The following PCBP3 variants were observed in gnomAD, a reference collection of about 807,000 sequenced individuals.
The protein encoded by PCBP3 is poly(rC) binding protein 3.
In PCBP3, 25 loss-of-function variants were observed where a neutral mutation model predicts 52.7. The observed-to-expected ratio is 0.47, with a 90% CI of 0.35 to 0.66. The LOEUF is 0.66. PCBP3 is among the 30% of genes least tolerant of loss of function. The pLI, the probability that PCBP3 is intolerant of heterozygous loss-of-function variation, is 0.01. For missense variants in PCBP3, 391 were observed against 490.3 expected (o/e 0.80, Z 1.91); for synonymous variants, 162 against 183.0 (o/e 0.89, Z 0.93).
At chr21:45,644,400 C>T (rs956511169) in intron 1 of PCBP3, among the ~76,000 whole-genome samples, 2 of 151,578 alleles carry the variant, frequency 1.3e-5, no homozygotes, top group African/African-American at 4.8e-5. Flanking sequence ...GCGCGCAGGT[C>T]TCTCTTGTTG....
At chr21:45,709,917 AGGT>A (rs1271470920) in intron 2 of PCBP3, among the ~76,000 whole-genome samples, 1 of 152,172 alleles carries the variant, frequency 6.6e-6, no homozygotes, top group African/African-American at 2.4e-5. Context: ...AGGACTGGGC[AGGT>A]ACTTTGTAGA....
At chr21:45,742,514 C>G (rs2086529026) in intron 3 of PCBP3, among the ~76,000 whole-genome samples, 1 of 152,174 alleles carries the variant, frequency 6.6e-6, no homozygotes, top group Non-Finnish European at 1.5e-5. Context: ...GAGTCGTGCA[C>G]TTTTTCATCT....
At chr21:45,662,176 C>T (rs538021914) in intron 1 of PCBP3, among the ~76,000 whole-genome samples, 15 of 151,006 alleles carry the variant, frequency 9.9e-5, no homozygotes, top group African/African-American at 2.2e-4. Flanking sequence ...TTGTTGATCT[C>T]GGTTCACTGC....
chr21:45,806,820 G>A (rs2092519974), intron 4 of PCBP3, among the ~76,000 whole-genome samples: 1 of 152,062 alleles, frequency 6.6e-6, no homozygotes, highest in African/African-American at 2.4e-5. Context: ...GAGCACTGAG[G>A]CACTGGGCTC....
chr21:45,757,904 T>C (rs1197692643), intron 4 of PCBP3, among the ~76,000 whole-genome samples: 1 of 138,482 alleles, frequency 7.2e-6, no homozygotes, highest in Non-Finnish European at 1.6e-5. Flanking sequence ...TTTTTTTTTT[T>C]GAGACAGAGT....
chr21:45,883,749 T>C (rs2095455318), intron 5 of PCBP3, among the ~76,000 whole-genome samples: 1 of 152,368 alleles, frequency 6.6e-6, no homozygotes, highest in East Asian at 1.9e-4. Flanking sequence ...CCCATTAGTT[T>C]ATCTTCAGTT....
At chr21:45,889,157 C>T (rs973945485) in intron 5 of PCBP3, among the ~76,000 whole-genome samples, 2 of 152,102 alleles carry the variant, frequency 1.3e-5, no homozygotes, top group South Asian at 2.1e-4. Context: ...AGACAAAGAG[C>T]GATGTGTGTG....
At chr21:45,793,338 C>G (rs907878704) in intron 4 of PCBP3, among the ~76,000 whole-genome samples, 5 of 152,060 alleles carry the variant, frequency 3.3e-5, no homozygotes, top group African/African-American at 1.2e-4. Context: ...CGTCAAAAAC[C>G]GAGAGCTATT....
Position 45,917,570 on chromosome 21 carries a change from GTC to G in PCBP3, c.676-4_676-3del, listed in dbSNP as rs548673780. The stretch of plus-strand genomic sequence containing the variant: ...TGCAGCCAGGTTGCAGTCTGACGGG[GTC>G]TCTCTCTCTCTCTAGGCCTACACAA... On this transcript the variant is annotated splice_polypyrimidine_tract_variant and intron_variant, in intron 12 of 17. Transcript: ENST00000681687. This position sits in a 1 kb window ranked among gnomAD's most constrained non-coding sequence, Gnocchi z 5.3. 5.3e-3 allele frequency: 7,362 copies of G among 1,376,470 alleles called. No homozygotes were observed. The highest frequency in any genetic ancestry group is 5.8e-3 in the Non-Finnish European group (5,832 of 1,013,512). The allele number at this position is 1,376,470 out of a possible 1,614,324, so 85.3% of individuals were successfully genotyped here.
Position 45,849,969 on chromosome 21 carries a change from G to T in PCBP3, c.-117G>T, listed in dbSNP as rs1603450173. ...GTGTTTTTGTGTTTTAGGTCGGTAG[G>T]CTCCACGACAAAAGTCAACCCTTCT... On this transcript the variant is annotated 5_prime_UTR_variant, in exon 5 of 18. Coordinates refer to ENST00000681687, the MANE Select transcript of PCBP3 (RefSeq NM_001384156.1). 3 of 964,028 alleles carry T rather than the reference G, an allele frequency of 3.1e-6. No individual in the cohort carries two copies. The highest frequency in any genetic ancestry group is 5.2e-5 in the East Asian group (2 of 38,184). The allele number at this position is 964,028 out of a possible 1,614,324, so 59.7% of individuals were successfully genotyped here.
rs150661316 is a variant in PCBP3, at chr21:45,682,538, G to A, written c.-200+13586G>A. Among the ~76,000 whole-genome samples the A allele has an allele frequency of 2.0e-3, 311 of 152,240 alleles. 1 individual carries two copies. The highest frequency in any genetic ancestry group is 7.2e-3 in the African/African-American group (301 of 41,550). On this transcript the variant is annotated intron_variant, in intron 2 of 17. Transcript: ENST00000681687. ...CTTATCCACGTGAAGAATAATGGTGGCATATGGCCATAGAGTGATAGCAGT... is the reference window on the plus strand; with the variant it reads ...CTTATCCACGTGAAGAATAATGGTGACATATGGCCATAGAGTGATAGCAGT...
intron 2 of PCBP3, among the ~76,000 whole-genome samples, chr21:45,695,502 G>A (rs1417364607): frequency 6.6e-6 from 1 of 152,172 alleles, no homozygotes; most frequent in Non-Finnish European, 1.5e-5. Flanking sequence ...CATGCCCTCT[G>A]TAACAATGCC....
At chr21:45,858,263 A>G (rs1371522790) in intron 5 of PCBP3, 2 of 152,366 alleles carry the variant, frequency 1.3e-5, no homozygotes, top group East Asian at 3.9e-4. Context: ...TTGAAGGGGA[A>G]AGAGCTGGCG....
rs535036167 is a variant in PCBP3 at position 45,928,082 on chromosome 21, G to T, written c.718-1835G>T. ...TGGGACACTTGCGGTCTTTCCTGAC[G>T]TGCCCCGTCCAGGTGGGGCGCCTTC... On this transcript the variant is annotated intron_variant, in intron 13 of 17. Coordinates refer to ENST00000681687, the MANE Select transcript of PCBP3 (RefSeq NM_001384156.1). The surrounding 1 kb of genome is among the most constrained non-coding windows in gnomAD (Gnocchi z 4.1). 6.6e-6 allele frequency among the ~76,000 whole-genome samples: 1 copy of T among 152,192 alleles called. No individual in the cohort carries two copies. Among genetic ancestry groups the T allele is most frequent in the South Asian group, 2.1e-4 (1 of 4,828 alleles).
chr21:45,708,417 C>A (rs186833039), intron 2 of PCBP3, among the ~76,000 whole-genome samples: 158 of 152,238 alleles, frequency 1.0e-3, no homozygotes, highest in African/African-American at 3.8e-3. Context: ...CCCCCTGAAC[C>A]CTTGAGGAAC....
rs1360076608 is a variant in PCBP3, at chr21:45,663,401, T to C, written c.-278-5473T>C. Among the ~76,000 whole-genome samples, 3 of 152,214 alleles carry C rather than the reference T, an allele frequency of 2.0e-5. No homozygotes were observed. The South Asian group carries it at 6.2e-4, about 32-fold the overall frequency. On this transcript the variant is annotated intron_variant, in intron 1 of 17. Transcript: ENST00000681687. ...AGCTGTTTTTTCTTTTATCTCTTTG[T>C]CTTGTGTCTTTATTTCTGCCATCTC...
intron 2 of PCBP3, among the ~76,000 whole-genome samples, chr21:45,729,230 G>A (rs923261556): frequency 3.9e-5 from 6 of 152,098 alleles, no homozygotes; most frequent in Non-Finnish European, 7.4e-5. Flanking sequence ...TCTGTAACAC[G>A]TGCTGTACTT....
chr21:45,938,052 CG>C (rs2077064573), intron 16 of PCBP3, among the ~76,000 whole-genome samples: 1 of 152,028 alleles, frequency 6.6e-6, no homozygotes, highest in Admixed American at 6.6e-5. Flanking sequence ...AGGGAGAGGG[CG>C]GGGTGAGAGC....
At position 45,890,608 on chromosome 21, in the gene PCBP3, A is replaced by G. The variant is rs61601528; in HGVS notation, c.11-5600A>G. Among the ~76,000 whole-genome samples the G allele has an allele frequency of 1.4e-3, 186 of 131,778 alleles. 3 individuals are homozygous for G. The highest frequency in any genetic ancestry group is 0.013 in the Middle Eastern group (3 of 228). 86.5% of individuals were successfully genotyped at this position (131,778 alleles called of 152,430 possible). On this transcript the variant is annotated intron_variant, in intron 5 of 17. Transcript: ENST00000681687. ...AACTCTGTGCACTGCTGAGGGGAATATAGATAATAGAACCTGGAACTCTGT... is the reference window on the plus strand; with the variant it reads ...AACTCTGTGCACTGCTGAGGGGAATGTAGATAATAGAACCTGGAACTCTGT...
Sources: allele counts gnomAD v4.1 joint callset (sites outside exome capture counted in the v4.1 genomes callset), GRCh38; gene constraint gnomAD v4.1.1; non-coding constraint Gnocchi (gnomAD v3.1); transcripts MANE v1.5; gene names NCBI Gene and HGNC (gene_info 2026-07-23, HGNC 2026-07-21).